The following ART3 variants were observed in gnomAD, a reference collection of about 807,000 sequenced individuals.
ART3 encodes ecto-ADP-ribosyltransferase 3.
In ART3, 49 loss-of-function variants were observed where a neutral mutation model predicts 48.5. That is an observed-to-expected ratio of 1.01 (90% confidence interval 0.80 to 1.28). The LOEUF is 1.28. Among genes scored for constraint, ART3 ranks in the 50% most tolerant of loss-of-function variants. The pLI is 0.00. For synonymous variants in ART3, 145 were observed against 157.2 expected (o/e 0.92, Z 0.58); for missense variants, 438 against 454.3 (o/e 0.96, Z 0.33).
chr4:76,075,485 G>A (rs6849117), intron 1 of ART3, among the ~76,000 whole-genome samples: 53 of 152,236 alleles, frequency 3.5e-4, no homozygotes, highest in African/African-American at 1.2e-3. Context: ...GGGAGCTAGG[G>A]GACCAATTTG....
intron 3 of ART3, among the ~76,000 whole-genome samples, chr4:76,088,604 G>A (rs1188654620): frequency 1.3e-5 from 2 of 152,072 alleles, no homozygotes; most frequent in Admixed American, 1.3e-4. Flanking sequence ...GTTCTGATTG[G>A]CACCTTTCTT....
intron 1 of ART3, among the ~76,000 whole-genome samples, chr4:76,040,339 C>A (rs939770677): frequency 2.0e-5 from 3 of 151,688 alleles, no homozygotes; most frequent in African/African-American, 7.3e-5. Context: ...AAACAAAAAA[C>A]CAAACATTAG....
At chr4:76,062,306 T>C (rs1719290747) in intron 1 of ART3, among the ~76,000 whole-genome samples, 1 of 152,236 alleles carries the variant, frequency 6.6e-6, no homozygotes, top group African/African-American at 2.4e-5. Flanking sequence ...TATGTTCTAA[T>C]GATTGTTACT....
At position 76,078,832 on chromosome 4, in the gene ART3, G is replaced by A. The variant is rs1452871974; in HGVS notation, c.69+2874G>A. Among the ~76,000 whole-genome samples, 4 of 152,180 alleles carry A rather than the reference G, an allele frequency of 2.6e-5. No individual in the cohort carries two copies. The East Asian group carries it at 7.7e-4, about 29-fold the overall frequency. ...ACGGTGGCTCACGCCTGTAATCCCA[G>A]CACTTTGGGAGGCCGAGAAAGGCAG... On this transcript the variant is annotated intron_variant, in intron 2 of 11. Coordinates refer to ENST00000355810, the MANE Select transcript of ART3 (RefSeq NM_001130016.3).
chr4:76,016,604 C>G (rs1732283147), intron 1 of ART3, among the ~76,000 whole-genome samples: 1 of 152,172 alleles, frequency 6.6e-6, no homozygotes, highest in Non-Finnish European at 1.5e-5. Context: ...CAAGGCCCTA[C>G]AGCTCTACCA....
At chr4:76,077,138 C>T (rs779569489) in intron 2 of ART3, among the ~76,000 whole-genome samples, 19 of 152,040 alleles carry the variant, frequency 1.2e-4, no homozygotes, top group East Asian at 1.9e-4. Flanking sequence ...AAAACATTTC[C>T]GTCAACCCAA....
At chr4:76,040,424 C>T (rs1421586152) in intron 1 of ART3, among the ~76,000 whole-genome samples, 1 of 131,804 alleles carries the variant, frequency 7.6e-6, no homozygotes, top group Non-Finnish European at 1.7e-5. Context: ...GATGGATACG[C>T]ACATACACTG....
At chr4:76,027,113 C>T (rs887030395) in intron 1 of ART3, among the ~76,000 whole-genome samples, 5 of 151,922 alleles carry the variant, frequency 3.3e-5, no homozygotes, top group African/African-American at 1.2e-4. Flanking sequence ...ATTGGCTGGG[C>T]GTGGTGGTGG....
chr4:76,090,308 C>T (rs931904512), intron 3 of ART3, among the ~76,000 whole-genome samples: 1 of 152,152 alleles, frequency 6.6e-6, no homozygotes, highest in East Asian at 1.9e-4. Flanking sequence ...GAACGTATTG[C>T]ATAATAAGAT....
chr4:76,090,869 A>T (rs913904365), intron 3 of ART3, among the ~76,000 whole-genome samples: 6 of 152,234 alleles, frequency 3.9e-5, no homozygotes, highest in African/African-American at 1.4e-4. Context: ...TGTTGCTTAC[A>T]AAAGTTTCAT....
At chr4:76,100,940 A>G in intron 7 of ART3, 50 bp from the exon 8 acceptor site, 1 of 1,608,872 alleles carries the variant, frequency 6.2e-7, no homozygotes, top group Non-Finnish European at 8.5e-7. Context: ...AGTAACTGCC[A>G]ATTCTTTTGT....
At chr4:76,016,080 GTCTT>G (rs1488359204) in intron 1 of ART3, among the ~76,000 whole-genome samples, 2 of 152,134 alleles carry the variant, frequency 1.3e-5, no homozygotes, top group Non-Finnish European at 1.5e-5. Flanking sequence ...AGTTTGGAAA[GTCTT>G]TATTTCTCCT....
At position 76,107,763 on chromosome 4, in the gene ART3, G is replaced by T; in HGVS notation, c.1006G>T (p.Asp336Tyr). The T allele has an allele frequency of 6.9e-7, 1 of 1,442,694 alleles. No individual in the cohort carries two copies. The highest frequency in any genetic ancestry group is 9.5e-7 in the Non-Finnish European group (1 of 1,057,898). The allele number at this position is 1,442,694 out of a possible 1,614,324, so 89.4% of individuals were successfully genotyped here. Residue 336 changes from aspartate (D) to tyrosine (Y), a missense_variant and splice_region_variant, in exon 11 of 12, where the codon GAT (aspartate) becomes TAT (tyrosine). Coordinates refer to ENST00000355810, the MANE Select transcript of ART3 (RefSeq NM_001130016.3). The stretch of plus-strand genomic sequence containing the variant: ...CTCAAAATCTCTTTATATTTTAGAA[G>T]ATAAAAGTCAAGGAAATATCAACAA... ...KIPEPFPLPEDKSQGNINNPT... is the reference protein window; with the variant it reads ...KIPEPFPLPEYKSQGNINNPT...
intron 8 of ART3, among the ~76,000 whole-genome samples, chr4:76,101,389 T>C (rs1727276548): frequency 6.6e-6 from 1 of 152,260 alleles, no homozygotes; most frequent in African/African-American, 2.4e-5. Context: ...CTGATTAATA[T>C]ATGCCATTAG....
At chr4:76,101,377 A>G (rs1343900582) in intron 8 of ART3, among the ~76,000 whole-genome samples, 1 of 152,232 alleles carries the variant, frequency 6.6e-6, no homozygotes, top group African/African-American at 2.4e-5. Context: ...GTCACCAGCA[A>G]TCTGATTAAT....
intron 11 of ART3, among the ~76,000 whole-genome samples, chr4:76,108,085 T>C (rs148246475): frequency 0.012 from 1,765 of 150,518 alleles, 22 homozygotes; most frequent in Non-Finnish European, 0.019. Flanking sequence ...AAAAAGAAAA[T>C]ATATATTAAA....
chr4:76,042,825 A>G (rs1735100316), intron 1 of ART3, among the ~76,000 whole-genome samples: 1 of 152,054 alleles, frequency 6.6e-6, no homozygotes, highest in South Asian at 2.1e-4. Flanking sequence ...ACAGTGTGGA[A>G]GGGGACCTGA....
At chr4:76,078,388 G>A (rs1035819476) in intron 2 of ART3, among the ~76,000 whole-genome samples, 4 of 152,008 alleles carry the variant, frequency 2.6e-5, no homozygotes, top group East Asian at 1.9e-4. Flanking sequence ...TGTCTTATAC[G>A]GTGTTGAAGT....
chr4:76,021,976 G>C (rs1460914698), intron 1 of ART3: 1 of 1,592,990 alleles, frequency 6.3e-7, no homozygotes, highest in African/African-American at 1.3e-5. Context: ...GGATATAAAA[G>C]TGTGATAGTC....
Sources: gnomAD v4.1 joint callset for allele counts (sites outside exome capture counted in the v4.1 genomes callset) on GRCh38, gnomAD v4.1.1 for gene constraint, MANE v1.5 for transcripts, NCBI Gene and HGNC (gene_info 2026-07-23, HGNC 2026-07-21) for gene names.